BTN3A1: variants seen among roughly 807,000 people sequenced by gnomAD.
BTN3A1 encodes the protein dJ45P21.3 (butyrophilin, subfamily 3, member A1).
BTN3A1 carries 24 observed loss-of-function variants against 43.0 expected under a neutral mutation model. The ratio of observed to expected loss-of-function variants is 0.56; its 90% CI spans 0.40 to 0.78. The LOEUF is 0.78. BTN3A1 is among the 30% of genes least tolerant of loss of function. The pLI is 0.00. For synonymous variants in BTN3A1, 181 were observed against 234.7 expected, an observed-to-expected ratio of 0.77 and a Z score of 2.09; for missense variants, 533 against 626.2, an observed-to-expected ratio of 0.85 and a Z score of 1.59.
At chr6:26,413,084 A>G in intron 9 of BTN3A1, 85 bp from the exon 10 acceptor site, 1 of 1,536,514 alleles carries the variant, frequency 6.5e-7, no homozygotes, top group Non-Finnish European at 8.7e-7. Context: ...AGACCTCCTC[A>G]GCATGGCCCA....
chr6:26,410,746 CATATATACACATATATAT>C (rs1762181768), intron 7 of BTN3A1, among the ~76,000 whole-genome samples: 1 of 149,096 alleles, frequency 6.7e-6, no homozygotes, highest in African/African-American at 2.5e-5. Context: ...CACATATATA[CATATATACACATATATAT>C]GTGCATATAT....
intron 1 of BTN3A1, among the ~76,000 whole-genome samples, chr6:26,403,483 A>T (rs1449178922): frequency 2.0e-5 from 3 of 151,000 alleles, no homozygotes; most frequent in African/African-American, 4.9e-5. Context: ...TTAGTTCCTG[A>T]TTTTCTTTTT....
Position 26,414,624 on chromosome 6 carries a change from C to A in BTN3A1, c.*932C>A, listed in dbSNP as rs1461865934. On this transcript the variant is annotated 3_prime_UTR_variant, in exon 10 of 10. Coordinates refer to ENST00000289361, the MANE Select transcript of BTN3A1 (RefSeq NM_007048.6). ...CTTCAATCAAGGTTTCCAGGCAGAG[C>A]AAATACCCTAGAGATTCTCTGTGAT... The A allele has an allele frequency of 6.6e-6, 1 of 151,844 alleles. No individual in the cohort carries two copies. Among genetic ancestry groups the A allele is most frequent in the Non-Finnish European group, 1.5e-5 (1 of 68,006 alleles). 9.4% of individuals were successfully genotyped at this position (151,844 alleles called of 1,614,324 possible). A position where few individuals can be genotyped will look rare whatever the true frequency, so the allele number is the denominator to read the frequency against.
chr6:26,408,057 A>G, intron 4 of BTN3A1, 105 bp downstream of exon 4: 2 of 1,532,774 alleles, frequency 1.3e-6, no homozygotes, highest in South Asian at 2.5e-5. Context: ...CACTGAATAT[A>G]AGGCCCAAAG....
intron 1 of BTN3A1, among the ~76,000 whole-genome samples, chr6:26,403,263 G>A (rs561915322): frequency 1.3e-5 from 2 of 152,106 alleles, no homozygotes; most frequent in South Asian, 2.1e-4. Context: ...TCGGAGTTTC[G>A]CCATATTGTC....
At chr6:26,411,261 G>A in intron 8 of BTN3A1, 126 bp downstream of exon 8, 16 of 1,288,046 alleles carry the variant, frequency 1.2e-5, no homozygotes, top group Non-Finnish European at 1.7e-5. Flanking sequence ...GACTCAATTT[G>A]TGTGTTGTGG....
rs1277232908 is a variant in BTN3A1 at position 26,413,989 on chromosome 6, C to T, written c.*297C>T. On this transcript the variant is annotated 3_prime_UTR_variant, in exon 10 of 10. Coordinates refer to ENST00000289361, the MANE Select transcript of BTN3A1 (RefSeq NM_007048.6). ...TTATACAGATAAGGAAACTGGGGTG[C>T]AGAAAAGTGAATTGACTACAAAGTA... is the stretch of plus-strand genomic sequence containing the variant. 2.4e-6 allele frequency: 1 copy of T among 419,602 alleles called. No homozygotes were observed. The highest frequency in any genetic ancestry group is 2.2e-5 in the South Asian group (1 of 44,758). 26.0% of individuals were successfully genotyped at this position (419,602 alleles called of 1,614,324 possible).
intron 2 of BTN3A1, 54 bp downstream of exon 2, chr6:26,405,702 C>G (rs1273238368): frequency 1.2e-6 from 2 of 1,603,366 alleles, no homozygotes; most frequent in Non-Finnish European, 1.7e-6. Flanking sequence ...TAATTATGTC[C>G]TCATAGGACT....
At position 26,413,601 on chromosome 6, in the gene BTN3A1, C is replaced by T. The variant is rs1488321721; in HGVS notation, c.1451C>T (p.Thr484Ile). The stretch of plus-strand genomic sequence containing the variant: ...GCTGTGGATGGATCGCATATTCATA[C>T]TTTCCTGGACGTCTCCTTCTCTGAG... The part of the protein sequence containing the change: ...YNAVDGSHIH[T>I]FLDVSFSEAL... Residue 484 changes from threonine to isoleucine, a missense_variant, in exon 10 of 10, where the codon ACT becomes ATT. By Grantham distance (89) the Thr-to-Ile change is moderately conservative. Around this residue, in one of 4 missense-constraint regions of BTN3A1, gnomAD observed 415 missense variants for 427.0 expected, o/e 0.97. Transcript: ENST00000289361. 1 of 1,614,198 alleles carries T rather than the reference C, an allele frequency of 6.2e-7. No individual in the cohort carries two copies. The highest frequency in any genetic ancestry group is 2.2e-5 in the East Asian group (1 of 44,882).
intron 9 of BTN3A1, chr6:26,412,706 T>C: frequency 1.9e-6 from 3 of 1,551,366 alleles, no homozygotes; most frequent in African/African-American, 2.7e-5. Context: ...ATTTTTCAGG[T>C]GAGGAAATGC....
intron 3 of BTN3A1, 147 bp from the exon 4 acceptor site, chr6:26,407,524 C>G: frequency 1.0e-6 from 1 of 999,316 alleles, no homozygotes; most frequent in South Asian, 1.7e-5. Flanking sequence ...ATTCATGTAG[C>G]TTTCTCCTCA....
intron 1 of BTN3A1, 139 bp from the exon 2 acceptor site, chr6:26,405,233 T>C (rs1240758932): frequency 2.6e-6 from 1 of 389,256 alleles, no homozygotes; most frequent in African/African-American, 2.0e-5. Context: ...CCTGCATGAA[T>C]CAGAGGGGGA....
rs974535434 is a variant in BTN3A1 at position 26,413,814 on chromosome 6, C to T, written c.*122C>T. The T allele has an allele frequency of 4.4e-6, 7 of 1,586,248 alleles. No homozygotes were observed. Among genetic ancestry groups the T allele is most frequent in the East Asian group, 2.2e-5 (1 of 44,732 alleles). ...AGGCTGAAGTAACTTTTCTCTGCTT[C>T]TCCCTGCCCAGCTCAGAGCTGAGGG... On this transcript the variant is annotated 3_prime_UTR_variant, in exon 10 of 10. Coordinates refer to ENST00000289361, the MANE Select transcript of BTN3A1 (RefSeq NM_007048.6).
At chr6:26,406,588 G>A (rs1762027565) in intron 3 of BTN3A1, among the ~76,000 whole-genome samples, 1 of 152,220 alleles carries the variant, frequency 6.6e-6, no homozygotes, top group African/African-American at 2.4e-5. Context: ...GTACTGGATG[G>A]CTTCTGTGGC....
Position 26,405,758 on chromosome 6 carries a change from A to G in BTN3A1, c.85+110A>G. The stretch of plus-strand genomic sequence containing the variant: ...GAAGTCCATCCCGATCTGAAGGTTC[A>G]CCCGTCACTAAGAGACAAATGGTGC... On this transcript the variant is annotated intron_variant, in intron 2 of 9. Transcript: ENST00000289361. The G allele has an allele frequency of 2.2e-5, 35 of 1,577,402 alleles. 1 individual carries two copies. In the South Asian group the frequency reaches 3.9e-4, roughly 18 times the overall value.
In BTN3A1 at chr6:26,405,601, A is replaced by C. The variant is rs753390954; in HGVS notation, c.38A>C (p.Asn13Thr). Residue 13 changes from asparagine (N) to threonine (T), a missense_variant, in exon 2 of 10, where the codon AAC becomes ACC. By Grantham distance (65) the Asn-to-Thr change is moderately conservative. Coordinates refer to ENST00000289361, the MANE Select transcript of BTN3A1 (RefSeq NM_007048.6). ...MASFLAFLLL[N>T]FRVCLLLLQL... ...AGTTTCCTGGCCTTCCTTCTGCTCA[A>C]CTTTCGTGTCTGCCTCCTTTTGCTT... is the stretch of plus-strand genomic sequence containing the variant. 16 of 1,613,990 alleles carry C rather than the reference A, an allele frequency of 9.9e-6. No individual in the cohort carries two copies. In the African/African-American group the frequency reaches 2.1e-4, roughly 22 times the overall value.
rs200540440 is a variant in BTN3A1, at chr6:26,413,485, T to C, written c.1335T>C (p.Thr445=). ...ATGGGAATAAGTATCGGACTCTAACTGAGCCCAGAACCAACCTGAAACTTC... is the reference window on the plus strand; with the variant it reads ...ATGGGAATAAGTATCGGACTCTAACCGAGCCCAGAACCAACCTGAAACTTC... ...LTDGNKYRTL[T]EPRTNLKLPK... The change falls in exon 10 of 10, where the codon ACT becomes ACC. Residue 445 remains threonine, a synonymous_variant. Coordinates refer to ENST00000289361, the MANE Select transcript of BTN3A1 (RefSeq NM_007048.6). 1,002 of 1,614,158 alleles carry C rather than the reference T, an allele frequency of 6.2e-4. 1 individual carries two copies. The highest frequency in any genetic ancestry group is 8.1e-4 in the Non-Finnish European group (961 of 1,180,030).
intron 4 of BTN3A1, 101 bp downstream of exon 4, chr6:26,408,053 A>G (rs1206502151): frequency 3.9e-6 from 6 of 1,540,166 alleles, no homozygotes; most frequent in East Asian, 2.3e-5. Context: ...TCTGCACTGA[A>G]TATAAGGCCC....
intron 8 of BTN3A1, 106 bp from the exon 9 acceptor site, chr6:26,411,449 A>C (rs1276953341): frequency 1.2e-5 from 17 of 1,394,098 alleles, no homozygotes; most frequent in Non-Finnish European, 1.7e-5. Context: ...GGACCCTGGA[A>C]GAGACTCTGA....
Sources: gnomAD v4.1 joint callset for allele counts (sites outside exome capture counted in the v4.1 genomes callset) on GRCh38, gnomAD v4.1.1 for gene constraint, gnomAD v4.1.1 regional missense constraint, MANE v1.5 for transcripts, NCBI Gene and HGNC (gene_info 2026-07-23, HGNC 2026-07-21) for gene names.